The following FAM204A variants were observed in gnomAD, a reference collection of about 807,000 sequenced individuals.
FAM204A encodes the protein protein FAM204A.
FAM204A carries 16 observed loss-of-function variants against 35.4 expected under a neutral mutation model. The ratio of observed to expected loss-of-function variants is 0.45; its 90% CI spans 0.31 to 0.69. The LOEUF (loss-of-function observed/expected upper bound fraction) is 0.69. Among genes scored for constraint, FAM204A ranks in the 30% least tolerant of loss-of-function variants. FAM204A has a pLI of 0.07. For synonymous variants in FAM204A, 76 were observed against 86.9 expected (o/e 0.88, Z 0.70); for missense variants, 240 against 265.7 (o/e 0.90, Z 0.67).
At position 118,299,794 on chromosome 10, in the gene FAM204A, A is replaced by C. The variant is rs551096381; in HGVS notation, c.*11063T>G. The C allele has an allele frequency of 5.3e-5, 8 of 152,338 alleles. No homozygotes were observed. The highest frequency in any genetic ancestry group is 1.0e-4 in the Non-Finnish European group (7 of 68,028). 9.4% of individuals were successfully genotyped at this position (152,338 alleles called of 1,614,324 possible). ...AGAGAAGAGAAATATGGTTACAAAAAGTACAAGTGGAATCTTCAGAATTAC... is the reference window on the plus strand; with the variant it reads ...AGAGAAGAGAAATATGGTTACAAAACGTACAAGTGGAATCTTCAGAATTAC... On this transcript the variant is annotated 3_prime_UTR_variant, in exon 9 of 9. Transcript: ENST00000369183.
Position 118,335,128 on chromosome 10 carries a change from T to C in FAM204A, c.439A>G (p.Lys147Glu). 1.9e-6 allele frequency: 3 copies of C among 1,612,056 alleles called. No individual in the cohort carries two copies. The highest frequency in any genetic ancestry group is 2.5e-6 in the Non-Finnish European group (3 of 1,178,806). Residue 147 changes from lysine (K) to glutamate (E), a missense_variant, in exon 6 of 9, where the codon AAA (lysine) becomes GAA (glutamate). Physicochemically the swap from Lys to Glu is moderately conservative, Grantham distance 56. Around this residue, in one of 2 missense-constraint regions of FAM204A, gnomAD observed 232 missense variants for 242.8 expected, o/e 0.96. Coordinates refer to ENST00000369183, the MANE Select transcript of FAM204A (RefSeq NM_022063.3). ...NDRFDPPVKR[K>E]KVEKSGLEKR... is the part of the protein sequence containing the mutation. ...AAAGATATTACCTTCTCAACTTTTT[T>C]CCTTTTAACAGGCGGGTCAAATCTA...
intron 7 of FAM204A, 35 bp downstream of exon 7, chr10:118,326,119 G>A: frequency 6.6e-7 from 1 of 1,520,362 alleles, no homozygotes; most frequent in South Asian, 1.2e-5. Flanking sequence ...TAGAAAATTT[G>A]AAAATACAGA....
chr10:118,330,980 C>T (rs538477646), intron 6 of FAM204A, among the ~76,000 whole-genome samples: 10 of 152,260 alleles, frequency 6.6e-5, no homozygotes, highest in Non-Finnish European at 1.3e-4. Flanking sequence ...TATAGAATAC[C>T]TAGCCACGTT....
At position 118,306,932 on chromosome 10, in the gene FAM204A, T is replaced by TA. The variant is rs1166967727; in HGVS notation, c.*3924dup. Reference sequence around the variant, plus strand: ...GCAGTGTGGAGGGAGGATGAAATAATAAAGATTAAAGAATGCAGTTCTGCA... The same window carrying TA: ...GCAGTGTGGAGGGAGGATGAAATAATAAAAGATTAAAGAATGCAGTTCTGCA... On this transcript the variant is annotated 3_prime_UTR_variant, in exon 9 of 9. Transcript: ENST00000369183. The TA allele has an allele frequency of 6.6e-6, 1 of 152,114 alleles. No individual in the cohort carries two copies. Among genetic ancestry groups the TA allele is most frequent in the African/African-American group, 2.4e-5 (1 of 41,430 alleles). The allele number at this position is 152,114 out of a possible 1,614,324, so 9.4% of individuals were successfully genotyped here.
chr10:118,313,341 T>C (rs1845982152), intron 7 of FAM204A, among the ~76,000 whole-genome samples: 1 of 152,148 alleles, frequency 6.6e-6, no homozygotes, highest in Admixed American at 6.6e-5. Flanking sequence ...AGGACTATTA[T>C]GGCAGAACAA....
Position 118,309,275 on chromosome 10 carries a change from T to C in FAM204A, c.*1582A>G, listed in dbSNP as rs1354028740. ...TTCTCAACTAAATGAAAGCAAGATA[T>C]GATTTTTGGATGCTTAAATAGTAGC... On this transcript the variant is annotated 3_prime_UTR_variant, in exon 9 of 9. Coordinates refer to ENST00000369183, the MANE Select transcript of FAM204A (RefSeq NM_022063.3). 1 of 152,210 alleles carries C rather than the reference T, an allele frequency of 6.6e-6. No homozygotes were observed. Among genetic ancestry groups the C allele is most frequent in the African/African-American group, 2.4e-5 (1 of 41,454 alleles). 9.4% of individuals were successfully genotyped at this position (152,210 alleles called of 1,614,324 possible).
In FAM204A at chr10:118,299,210, T is replaced by C. The variant is rs1845781232; in HGVS notation, c.*11647A>G. On this transcript the variant is annotated 3_prime_UTR_variant, in exon 9 of 9. Coordinates refer to ENST00000369183, the MANE Select transcript of FAM204A (RefSeq NM_022063.3). ...TCTCAGAAAATCTATGGCTGAACTT[T>C]TCAGGTTCTTCCTTTGGGCAGTACT... is the stretch of plus-strand genomic sequence containing the variant. 6.6e-6 allele frequency: 1 copy of C among 152,260 alleles called. No individual in the cohort carries two copies. Among genetic ancestry groups the C allele is most frequent in the East Asian group, 1.9e-4 (1 of 5,178 alleles). The allele number at this position is 152,260 out of a possible 1,614,324, so 9.4% of individuals were successfully genotyped here.
chr10:118,335,153 A>AT lies in FAM204A; in HGVS notation c.413dup (p.Asp138GlufsTer2). ...TCCTTTTAACAGGCGGGTCAAATCT[A>AT]TCATTGACTCCAAAATACTGAGTAA... On this transcript the variant is annotated frameshift_variant, in exon 6 of 9. Transcript: ENST00000369183. LOFTEE classifies it high-confidence loss of function. 6.2e-7 allele frequency: 1 copy of AT among 1,613,524 alleles called. No individual in the cohort carries two copies. The highest frequency in any genetic ancestry group is 1.3e-5 in the African/African-American group (1 of 75,028).
intron 2 of FAM204A, chr10:118,337,290 A>T (rs1846404301): frequency 1.0e-6 from 1 of 965,126 alleles, no homozygotes; most frequent in African/African-American, 1.8e-5. Context: ...CAGTTCCTTC[A>T]AAAGATGCTT....
chr10:118,327,863 T>C (rs1361309549), intron 6 of FAM204A, among the ~76,000 whole-genome samples: 1 of 152,220 alleles, frequency 6.6e-6, no homozygotes, highest in Non-Finnish European at 1.5e-5. Flanking sequence ...CTAGGGATGC[T>C]GAGACAAGAG....
intron 7 of FAM204A, among the ~76,000 whole-genome samples, chr10:118,323,678 G>T (rs1846154343): frequency 6.6e-6 from 1 of 151,978 alleles, no homozygotes; most frequent in Admixed American, 6.6e-5. Flanking sequence ...CACAGGTACT[G>T]CCCCTCTCTA....
chr10:118,336,129 G>C, intron 3 of FAM204A, 53 bp downstream of exon 3: 18 of 1,575,670 alleles, frequency 1.1e-5, no homozygotes, highest in Non-Finnish European at 1.6e-5. Context: ...GAGACACACA[G>C]AGGCATGTGC....
intron 7 of FAM204A, among the ~76,000 whole-genome samples, chr10:118,325,765 C>T (rs1255820343): frequency 6.6e-6 from 1 of 152,036 alleles, no homozygotes; most frequent in African/African-American, 2.4e-5. Context: ...AAGCATTTTA[C>T]CAAGGGTTAA....
chr10:118,300,611 T>C lies in FAM204A; in HGVS notation c.*10246A>G, dbSNP rs1845798711. On this transcript the variant is annotated 3_prime_UTR_variant, in exon 9 of 9. Transcript: ENST00000369183. ...AACTTCAAAGCAGTATATATCATAT[T>C]AAATCTCTAAGTATATATCCACTGA... is the stretch of plus-strand genomic sequence containing the variant. 1 of 152,192 alleles carries C rather than the reference T, an allele frequency of 6.6e-6. No individual in the cohort carries two copies. The highest frequency in any genetic ancestry group is 2.4e-5 in the African/African-American group (1 of 41,448). The allele number at this position is 152,192 out of a possible 1,614,324, so 9.4% of individuals were successfully genotyped here. A position where few individuals can be genotyped will look rare whatever the true frequency, so the allele number is the denominator to read the frequency against.
rs148679794 is a variant in FAM204A at position 118,315,711 on chromosome 10, G to A, written c.544-4398C>T. 4.6e-3 allele frequency among the ~76,000 whole-genome samples: 706 copies of A among 152,150 alleles called. 3 individuals carry two copies. The highest frequency in any genetic ancestry group is 7.0e-3 in the Non-Finnish European group (479 of 67,986). ...ATGTCAAGCAAGTTACCTAGGAGAC[G>A]AAAGAGATCAAAGAGACAAAAACCC... is the stretch of plus-strand genomic sequence containing the variant. On this transcript the variant is annotated intron_variant, in intron 7 of 8. Transcript: ENST00000369183.
intron 7 of FAM204A, 200 bp from the exon 8 acceptor site, chr10:118,311,513 C>A: frequency 2.0e-6 from 1 of 494,118 alleles, no homozygotes; most frequent in South Asian, 3.3e-5. Context: ...AGACCCTTTA[C>A]CCTAGTTATA....
At chr10:118,328,335 ACTAAACT>A (rs1473909609) in intron 6 of FAM204A, among the ~76,000 whole-genome samples, 1 of 152,050 alleles carries the variant, frequency 6.6e-6, no homozygotes, top group African/African-American at 2.4e-5. Flanking sequence ...ACCATTATCA[ACTAAACT>A]CTAAGCCAGT....
intron 7 of FAM204A, among the ~76,000 whole-genome samples, chr10:118,320,237 C>A (rs1029827026): frequency 6.7e-6 from 1 of 150,356 alleles, no homozygotes; most frequent in African/African-American, 2.4e-5. Context: ...TTTAAGCACT[C>A]TATTTATAAT....
At chr10:118,337,254 T>C in intron 2 of FAM204A, 5 of 984,972 alleles carry the variant, frequency 5.1e-6, no homozygotes, top group African/African-American at 1.7e-5. Flanking sequence ...GCACAGTCTA[T>C]TTTAGCACAT....
Sources: gnomAD v4.1 joint callset for allele counts (sites outside exome capture counted in the v4.1 genomes callset) on GRCh38, gnomAD v4.1.1 for gene constraint, gnomAD v4.1.1 regional missense constraint, MANE v1.5 for transcripts, NCBI Gene and HGNC (gene_info 2026-07-23, HGNC 2026-07-21) for gene names.